The following SERGEF variants were observed in gnomAD, a reference collection of about 807,000 sequenced individuals.
The protein encoded by SERGEF is secretion regulating guanine nucleotide exchange factor.
SERGEF carries 51 observed loss-of-function variants against 50.0 expected under a neutral mutation model. The observed-to-expected ratio is 1.02, with a 90% CI of 0.81 to 1.29. The LOEUF (loss-of-function observed/expected upper bound fraction) is 1.29. Ranked by LOEUF, SERGEF falls within the 50% of genes most tolerant of loss-of-function variation. SERGEF has a pLI of 0.00. For missense variants in SERGEF, 521 were observed against 557.0 expected, an observed-to-expected ratio of 0.94 and a Z score of 0.65; for synonymous variants, 205 against 212.4, an observed-to-expected ratio of 0.97 and a Z score of 0.30.
chr11:17,937,100 ATAGT>A (rs1208668330), intron 9 of SERGEF, among the ~76,000 whole-genome samples: 3 of 151,844 alleles, frequency 2.0e-5, no homozygotes, highest in African/African-American at 7.3e-5. Flanking sequence ...TAAATGTTAA[ATAGT>A]TACTTTATAA....
chr11:17,977,650 G>T (rs964093932), intron 8 of SERGEF, among the ~76,000 whole-genome samples: 10 of 152,204 alleles, frequency 6.6e-5, no homozygotes, highest in Admixed American at 3.3e-4. Flanking sequence ...AAATTCATAT[G>T]TTGAAATCCT....
chr11:17,801,378 G>A (rs1849667222), intron 10 of SERGEF, among the ~76,000 whole-genome samples: 1 of 152,186 alleles, frequency 6.6e-6, no homozygotes, highest in Non-Finnish European at 1.5e-5. Flanking sequence ...CAAAATGCAG[G>A]GAGCAGATTT....
At chr11:17,983,846 T>C (rs979939159) in intron 8 of SERGEF, among the ~76,000 whole-genome samples, 1 of 150,450 alleles carries the variant, frequency 6.6e-6, no homozygotes, top group African/African-American at 2.4e-5. Flanking sequence ...AAAAAGGATT[T>C]AGCTAAGTCA....
chr11:17,980,820 AT>A (rs1454697916), intron 8 of SERGEF, among the ~76,000 whole-genome samples: 1 of 152,230 alleles, frequency 6.6e-6, no homozygotes, highest in East Asian at 1.9e-4. Context: ...AAATGGCATT[AT>A]ACTTAATCTT....
At chr11:17,977,829 G>C (rs1026102402) in intron 8 of SERGEF, among the ~76,000 whole-genome samples, 5 of 152,292 alleles carry the variant, frequency 3.3e-5, no homozygotes, top group African/African-American at 7.2e-5. Context: ...CCAGGAGGCA[G>C]GTCATCACCA....
Position 17,988,637 on chromosome 11 carries a change from A to G in SERGEF, c.804T>C (p.Thr268=). Residue 268 remains threonine, a synonymous_variant, in exon 8 of 11, where the codon ACT becomes ACC. Transcript: ENST00000265965. ...GGTGTGTCCATCCACTCCAGATGGC[A>G]GTGACCTTTTCATTCTGGAAACAAT... ...EAHCFQNEKV[T]AIWSGWTHLV... 1 of 1,614,190 alleles carries G rather than the reference A, an allele frequency of 6.2e-7. No homozygotes were observed. The highest frequency in any genetic ancestry group is 8.5e-7 in the Non-Finnish European group (1 of 1,180,040).
intron 10 of SERGEF, among the ~76,000 whole-genome samples, chr11:17,808,056 A>C (rs1458354528): frequency 6.6e-6 from 1 of 152,094 alleles, no homozygotes; most frequent in Non-Finnish European, 1.5e-5. Flanking sequence ...CTTGGGGCTA[A>C]AGGCCTGAGT....
At chr11:17,789,670 T>G (rs996292528) in intron 10 of SERGEF, among the ~76,000 whole-genome samples, 1 of 152,218 alleles carries the variant, frequency 6.6e-6, no homozygotes, top group Non-Finnish European at 1.5e-5. Context: ...AAAAGCAAAC[T>G]TGCAGAATCT....
At chr11:17,809,057 A>C in intron 10 of SERGEF, among the ~76,000 whole-genome samples, 1 of 152,252 alleles carries the variant, frequency 6.6e-6, no homozygotes, top group Non-Finnish European at 1.5e-5. Flanking sequence ...GGTAGATATC[A>C]TAAGGGATAT....
At chr11:17,931,535 A>G (rs1230639385) in intron 9 of SERGEF, among the ~76,000 whole-genome samples, 1 of 152,150 alleles carries the variant, frequency 6.6e-6, no homozygotes, top group Non-Finnish European at 1.5e-5. Context: ...GGGCTGGAGA[A>G]CCACAGTAAT....
chr11:17,899,777 A>AC lies in SERGEF; in HGVS notation c.1012-21534dup, dbSNP rs377228043. On this transcript the variant is annotated intron_variant, in intron 9 of 10. Transcript: ENST00000265965. ...AGACCAGCCAGGACAACATACTGAG[A>AC]CCCCCCATCTCTAAAAAAAAATTAA... Among the ~76,000 whole-genome samples the AC allele has an allele frequency of 5.4e-3, 811 of 151,156 alleles. 8 individuals carry two copies. The highest frequency in any genetic ancestry group is 0.016 in the African/African-American group (654 of 41,168).
At chr11:17,891,172 T>A (rs911409770) in intron 9 of SERGEF, among the ~76,000 whole-genome samples, 15 of 152,176 alleles carry the variant, frequency 9.9e-5, no homozygotes, top group African/African-American at 3.4e-4. Flanking sequence ...TGCTCTGGAC[T>A]CAACGAGATG....
At chr11:17,870,013 A>AG (rs1344546310) in intron 10 of SERGEF, among the ~76,000 whole-genome samples, 2 of 152,160 alleles carry the variant, frequency 1.3e-5, no homozygotes, top group African/African-American at 2.4e-5. Flanking sequence ...TAATTGAATC[A>AG]GGGGGGCAGT....
At chr11:17,949,502 CA>C (rs1390255630) in intron 9 of SERGEF, among the ~76,000 whole-genome samples, 1 of 152,058 alleles carries the variant, frequency 6.6e-6, no homozygotes, top group Non-Finnish European at 1.5e-5. Flanking sequence ...ACTAAGGATC[CA>C]GGACACTGAG....
intron 10 of SERGEF, among the ~76,000 whole-genome samples, chr11:17,798,377 C>T (rs1258455242): frequency 3.3e-5 from 5 of 152,204 alleles, no homozygotes; most frequent in African/African-American, 7.2e-5. Flanking sequence ...CCCAGTGAGG[C>T]ACGTATTGGA....
chr11:17,838,386 T>C (rs1850445362), intron 10 of SERGEF, among the ~76,000 whole-genome samples: 1 of 152,098 alleles, frequency 6.6e-6, no homozygotes, highest in South Asian at 2.1e-4. Context: ...TAGAGAGAGC[T>C]ATGGAGAGGA....
chr11:17,800,609 G>T (rs958458756), intron 10 of SERGEF, among the ~76,000 whole-genome samples: 2 of 152,148 alleles, frequency 1.3e-5, no homozygotes, highest in Non-Finnish European at 2.9e-5. Context: ...GAAACAACAA[G>T]CAAGTAGTCA....
intron 10 of SERGEF, among the ~76,000 whole-genome samples, chr11:17,795,542 C>T (rs950744278): frequency 6.6e-6 from 1 of 152,160 alleles, no homozygotes; most frequent in African/African-American, 2.4e-5. Flanking sequence ...AGACCAAGTC[C>T]AGGCCCCTTA....
chr11:17,984,776 C>T (rs550604559), intron 8 of SERGEF, among the ~76,000 whole-genome samples: 3 of 152,264 alleles, frequency 2.0e-5, no homozygotes, highest in African/African-American at 7.2e-5. Flanking sequence ...CTTCAAAGCC[C>T]AGGTTTTTCT....
Sources: gnomAD v4.1 joint callset for allele counts (sites outside exome capture counted in the v4.1 genomes callset) on GRCh38, gnomAD v4.1.1 for gene constraint, MANE v1.5 for transcripts, NCBI Gene and HGNC (gene_info 2026-07-23, HGNC 2026-07-21) for gene names.